Variants in RERE observed in about 807,000 individuals in gnomAD.
RERE encodes the protein arginine-glutamic acid dipeptide repeats.
Under a neutral mutation model 146.1 loss-of-function variants are expected in RERE, and 40 were observed. The ratio of observed to expected loss-of-function variants is 0.27; its 90% confidence interval spans 0.21 to 0.36. The LOEUF is 0.36. RERE is among the 10% of genes least tolerant of loss of function. The probability of loss-of-function intolerance (pLI) is 1.00; values close to 1 mark genes in which losing one functional copy is unlikely to be tolerated. For synonymous variants in RERE, 1,003 were observed against 866.0 expected, an observed-to-expected ratio of 1.16 and a Z score of -2.78; for missense variants, 1,933 against 2,138.7, an observed-to-expected ratio of 0.90 and a Z score of 1.90.
chr1:8,657,118 T>TGG (rs1638334858), intron 1 of RERE, among the ~76,000 whole-genome samples: 1 of 151,986 alleles, frequency 6.6e-6, no homozygotes, highest in South Asian at 2.1e-4. Context: ...CTTGCTAATG[T>TGG]GGTAAAACCC....
At chr1:8,805,028 TGAGACAGAGTCTTGCTC>T in intron 1 of RERE, among the ~76,000 whole-genome samples, 1 of 145,746 alleles carries the variant, frequency 6.9e-6, no homozygotes, top group East Asian at 2.0e-4. Context: ...TTTTTTTTTT[TGAGACAGAGTCTTGCTC>T]TGTCACCCAG....
intron 4 of RERE, among the ~76,000 whole-genome samples, chr1:8,591,439 AAAAG>A (rs895764507): frequency 2.6e-5 from 4 of 150,964 alleles, no homozygotes; most frequent in Non-Finnish European, 2.9e-5. Context: ...AAAAAAAAAA[AAAAG>A]AAAAGAAAAG....
In RERE at chr1:8,465,819, T is replaced by G. The variant is rs753093365; in HGVS notation, c.1203+106A>C. ...CTGGCGCTGCCACGGACAGCCATTC[T>G]GCATGACTGAAGCTTCTGCTTTCCC... On this transcript the variant is annotated intron_variant, in intron 11 of 22. Transcript: ENST00000400908. The G allele has an allele frequency of 3.3e-6, 3 of 920,512 alleles. No homozygotes were observed. The Admixed American group carries it at 5.6e-5, about 17-fold the overall frequency. 57.0% of individuals were successfully genotyped at this position (920,512 alleles called of 1,614,324 possible). A position where few individuals can be genotyped will look rare whatever the true frequency, so the allele number is the denominator to read the frequency against.
At chr1:8,807,844 C>T (rs545954896) in intron 1 of RERE, among the ~76,000 whole-genome samples, 3 of 152,204 alleles carry the variant, frequency 2.0e-5, no homozygotes, top group African/African-American at 7.2e-5. Flanking sequence ...ATGAGAGAGC[C>T]CTTGACTAGT....
intron 1 of RERE, among the ~76,000 whole-genome samples, chr1:8,714,759 G>A (rs1639729985): frequency 6.6e-6 from 1 of 152,152 alleles, no homozygotes; most frequent in Non-Finnish European, 1.5e-5. Context: ...CAATAGTTCT[G>A]TTGGAAAATT....
chr1:8,633,650 C>T lies in RERE; in HGVS notation c.326-9270G>A, dbSNP rs113553177. Among the ~76,000 whole-genome samples the T allele has an allele frequency of 9.5e-3, 1,444 of 151,510 alleles. 24 individuals carry two copies. Among genetic ancestry groups the T allele is most frequent in the African/African-American group, 0.034 (1,388 of 41,288 alleles). Reference sequence around the variant, plus strand: ...CACCTTAAAAGAAACTTATTGGCTGCGCACGGTGGCTCAGGCCTGTAATCC... The same window carrying T: ...CACCTTAAAAGAAACTTATTGGCTGTGCACGGTGGCTCAGGCCTGTAATCC... On this transcript the variant is annotated intron_variant, in intron 2 of 22. Transcript: ENST00000400908.
Position 8,360,336 on chromosome 1 carries a change from G to A in RERE, c.3171C>T (p.Thr1057=), listed in dbSNP as rs1222387393. The A allele has an allele frequency of 1.3e-6, 2 of 1,516,416 alleles. No homozygotes were observed. Among genetic ancestry groups the A allele is most frequent in the Non-Finnish European group, 1.8e-6 (2 of 1,129,610 alleles). The allele number at this position is 1,516,416 out of a possible 1,614,324, so 93.9% of individuals were successfully genotyped here. ...ITPPTCPSTS[T]PPAGPGTSAQ... Reference sequence around the variant, plus strand: ...CCGAGGTGCCAGGTCCCGCCGGTGGGGTAGAGGTGGAGGGGCAGGTCGGAG... The same window carrying A: ...CCGAGGTGCCAGGTCCCGCCGGTGGAGTAGAGGTGGAGGGGCAGGTCGGAG... Residue 1057 remains threonine (T), a synonymous_variant, in exon 18 of 23, where the codon ACC becomes ACT. Coordinates refer to ENST00000400908, the MANE Select transcript of RERE (RefSeq NM_001042681.2).
At chr1:8,499,021 G>C (rs563152290) in intron 8 of RERE, among the ~76,000 whole-genome samples, 1 of 151,992 alleles carries the variant, frequency 6.6e-6, no homozygotes, top group African/African-American at 2.4e-5. Flanking sequence ...GACTGTAAGT[G>C]ATCAGATTTA....
chr1:8,775,121 C>G (rs1462281359), intron 1 of RERE, among the ~76,000 whole-genome samples: 1 of 151,858 alleles, frequency 6.6e-6, no homozygotes, highest in Non-Finnish European at 1.5e-5. Context: ...CCACCACGCC[C>G]GGCTAATTTT....
intron 7 of RERE, among the ~76,000 whole-genome samples, chr1:8,523,617 A>G (rs1053714914): frequency 6.6e-6 from 1 of 151,882 alleles, no homozygotes; most frequent in African/African-American, 2.4e-5. Flanking sequence ...CATTCCAAAA[A>G]ATATTTTTCC....
At chr1:8,720,827 G>T (rs1639850362) in intron 1 of RERE, among the ~76,000 whole-genome samples, 1 of 152,206 alleles carries the variant, frequency 6.6e-6, no homozygotes, top group African/African-American at 2.4e-5. Context: ...AGGCTGAAGA[G>T]GGCGGATTAC....
At chr1:8,655,929 C>T in intron 2 of RERE, 44 bp downstream of exon 2, 1 of 1,588,348 alleles carries the variant, frequency 6.3e-7, no homozygotes, top group Non-Finnish European at 8.6e-7. Flanking sequence ...AAGATCATTC[C>T]CCCACTGTAA....
rs764511684 is a variant in RERE, at chr1:8,362,782, GGGT to G, written c.1800_1802del (p.Pro601del). On this transcript the variant is annotated inframe_deletion, in exon 16 of 23. Coordinates refer to ENST00000400908, the MANE Select transcript of RERE (RefSeq NM_001042681.2). ...CGCTGGAGCGGATGTCTTCATTGATGGGTGAGGTGCGACCATCAGGGCTGGCTG... is the reference window on the plus strand; with the variant it reads ...CGCTGGAGCGGATGTCTTCATTGATGGAGGTGCGACCATCAGGGCTGGCTG... The G allele has an allele frequency of 8.7e-6, 14 of 1,614,068 alleles. No individual in the cohort carries two copies. Among genetic ancestry groups the G allele is most frequent in the African/African-American group, 1.3e-5 (1 of 74,926 alleles).
chr1:8,522,882 A>G (rs1169478640), intron 7 of RERE, among the ~76,000 whole-genome samples: 2 of 151,588 alleles, frequency 1.3e-5, no homozygotes, highest in Admixed American at 1.3e-4. Context: ...TCAAAAAAAA[A>G]AAAAGAATGA....
chr1:8,696,619 A>G (rs1639336022), intron 1 of RERE, among the ~76,000 whole-genome samples: 2 of 150,850 alleles, frequency 1.3e-5, no homozygotes, highest in Admixed American at 1.3e-4. Flanking sequence ...CTCACAAATA[A>G]ACGAACAAGG....
rs553196396 is a variant in RERE, at chr1:8,462,308, C to G, written c.1203+3617G>C. On this transcript the variant is annotated intron_variant, in intron 11 of 22. Coordinates refer to ENST00000400908, the MANE Select transcript of RERE (RefSeq NM_001042681.2). Reference sequence around the variant, plus strand: ...TCCTTACCCTTAATAAGTTTACAAACTCGGAGGACAATCAACTCAGAAATA... The same window carrying G: ...TCCTTACCCTTAATAAGTTTACAAAGTCGGAGGACAATCAACTCAGAAATA... 5.3e-5 allele frequency among the ~76,000 whole-genome samples: 8 copies of G among 152,312 alleles called. No homozygotes were observed. The South Asian group carries it at 1.4e-3, about 28-fold the overall frequency.
chr1:8,382,412 C>T (rs572171376), intron 12 of RERE, among the ~76,000 whole-genome samples: 7 of 152,270 alleles, frequency 4.6e-5, no homozygotes, highest in South Asian at 2.1e-4. Flanking sequence ...AAACTCAATT[C>T]GCAGCTTAGG....
rs112406693 is a variant in RERE, at chr1:8,671,384, C to CAACT, written c.-144-14947_-144-14944dup. 9.8e-3 allele frequency among the ~76,000 whole-genome samples: 1,497 copies of CAACT among 152,266 alleles called. 25 individuals are homozygous for CAACT. The highest frequency in any genetic ancestry group is 0.035 in the African/African-American group (1,441 of 41,546). ...TACATAGGAAACGGGTGCCTATGGA[C>CAACT]AACTTCTGTATTAATGATGTTACCA... On this transcript the variant is annotated intron_variant, in intron 1 of 22. Coordinates refer to ENST00000400908, the MANE Select transcript of RERE (RefSeq NM_001042681.2).
intron 12 of RERE, among the ~76,000 whole-genome samples, chr1:8,409,672 T>C (rs899491288): frequency 7.2e-5 from 11 of 152,292 alleles, no homozygotes; most frequent in Middle Eastern, 3.4e-3. Context: ...AGCAGCACAC[T>C]CATGAAGGCG....
Sources: allele counts gnomAD v4.1 joint callset (sites outside exome capture counted in the v4.1 genomes callset), GRCh38; gene constraint gnomAD v4.1.1; transcripts MANE v1.5; gene names NCBI Gene and HGNC (gene_info 2026-07-23, HGNC 2026-07-21).